The following PPP2R2B variants were observed in gnomAD, a reference collection of about 807,000 sequenced individuals.
The protein encoded by PPP2R2B is protein phosphatase 2 regulatory subunit Bbeta.
PPP2R2B carries 5 observed loss-of-function variants against 46.0 expected under a neutral mutation model. The observed-to-expected ratio is 0.11, with a 90% CI of 0.06 to 0.23. The LOEUF (loss-of-function observed/expected upper bound fraction) is 0.23, where lower values mean the gene tolerates loss of function less well. Among genes scored for constraint, PPP2R2B ranks in the 10% least tolerant of loss-of-function variants. The pLI, the probability that PPP2R2B is intolerant of heterozygous loss-of-function variation, is 1.00. For synonymous variants in PPP2R2B, 215 were observed against 206.7 expected, an observed-to-expected ratio of 1.04 and a Z score of -0.34; for missense variants, 367 against 575.0, an observed-to-expected ratio of 0.64 and a Z score of 3.70.
rs532769892 is a variant in PPP2R2B, at chr5:146,747,991, C to T, written c.71-46849G>A. Among the ~76,000 whole-genome samples, 3 of 152,228 alleles carry T rather than the reference C, an allele frequency of 2.0e-5. No homozygotes were observed. The South Asian group carries it at 6.2e-4, about 32-fold the overall frequency. ...CCGAGATGTTCCAGGGCTGAACCTG[C>T]CTCTGGATTCTCTATGTGGTACAGT... is the stretch of plus-strand genomic sequence containing the variant. On this transcript the variant is annotated intron_variant, in intron 2 of 9. Coordinates refer to ENST00000394411, the MANE Select transcript of PPP2R2B (RefSeq NM_181675.4).
intron 2 of PPP2R2B, among the ~76,000 whole-genome samples, chr5:146,734,024 C>T (rs1315157969): frequency 6.6e-6 from 1 of 150,520 alleles, no homozygotes; most frequent in Non-Finnish European, 1.5e-5. Flanking sequence ...TATATTACCT[C>T]ATAGGGTTGT....
At chr5:146,854,930 A>C (rs1417191809) in intron 2 of PPP2R2B, among the ~76,000 whole-genome samples, 3 of 152,204 alleles carry the variant, frequency 2.0e-5, no homozygotes, top group Non-Finnish European at 4.4e-5. Context: ...AGAAATTTTG[A>C]GTCTGATATG....
intron 1 of PPP2R2B, among the ~76,000 whole-genome samples, chr5:146,955,559 T>C (rs1751853834): frequency 6.6e-6 from 1 of 152,112 alleles, no homozygotes; most frequent in Non-Finnish European, 1.5e-5. Context: ...ATAAAAAAAT[T>C]AAGCCATTCA....
chr5:146,730,373 G>A (rs1486690169), intron 2 of PPP2R2B, among the ~76,000 whole-genome samples: 1 of 152,164 alleles, frequency 6.6e-6, no homozygotes, highest in Non-Finnish European at 1.5e-5. Context: ...ACTTTGGACT[G>A]TGGACTTTTG....
intron 7 of PPP2R2B, among the ~76,000 whole-genome samples, chr5:146,633,855 C>T (rs1774606943): frequency 6.6e-6 from 1 of 152,218 alleles, no homozygotes; most frequent in African/African-American, 2.4e-5. Context: ...GTCTGCTTCT[C>T]CATCCTTAGG....
intron 1 of PPP2R2B, among the ~76,000 whole-genome samples, chr5:146,887,355 A>C (rs922324686): frequency 6.6e-5 from 10 of 152,166 alleles, no homozygotes; most frequent in African/African-American, 2.4e-4. Context: ...AAAGAGTTTT[A>C]ATGTGTTCTT....
At chr5:146,844,176 G>A (rs1002767258) in intron 2 of PPP2R2B, among the ~76,000 whole-genome samples, 8 of 133,706 alleles carry the variant, frequency 6.0e-5, no homozygotes, top group African/African-American at 2.4e-4. Flanking sequence ...ACACAGGAAG[G>A]GGAATATCAC....
At chr5:146,918,229 T>C (rs1197836188) in intron 1 of PPP2R2B, 1 of 152,188 alleles carries the variant, frequency 6.6e-6, no homozygotes, top group African/African-American at 2.4e-5. Context: ...GGAGGAAGAA[T>C]ATATATGAAG....
intron 2 of PPP2R2B, among the ~76,000 whole-genome samples, chr5:146,755,013 T>C (rs1753757131): frequency 6.6e-6 from 1 of 152,240 alleles, no homozygotes; most frequent in African/African-American, 2.4e-5. Flanking sequence ...TTCAAGTCAC[T>C]GTTCATGGCA....
intron 2 of PPP2R2B, among the ~76,000 whole-genome samples, chr5:146,851,434 T>C (rs1393878568): frequency 1.3e-5 from 2 of 152,122 alleles, no homozygotes; most frequent in Non-Finnish European, 2.9e-5. Context: ...TTGCTATTAG[T>C]GCTAACAAGG....
chr5:146,654,176 GCCCCA>G, intron 5 of PPP2R2B, among the ~76,000 whole-genome samples: 1 of 152,226 alleles, frequency 6.6e-6, no homozygotes, highest in Middle Eastern at 3.4e-3. Flanking sequence ...CTGACTCCCT[GCCCCA>G]CCCAACTCCA....
intron 1 of PPP2R2B, among the ~76,000 whole-genome samples, chr5:146,957,359 T>G (rs1315530784): frequency 6.6e-6 from 1 of 152,198 alleles, no homozygotes; most frequent in Non-Finnish European, 1.5e-5. Context: ...GGGACAGCCA[T>G]GTAAACAAAT....
At chr5:147,061,757 A>G (rs1757265141) in intron 2 of PPP2R2B, among the ~76,000 whole-genome samples, 1 of 152,144 alleles carries the variant, frequency 6.6e-6, no homozygotes, top group South Asian at 2.1e-4. Flanking sequence ...GCAGCAGGGG[A>G]AGAAAAAAAG....
At chr5:146,733,015 A>G (rs994095950) in intron 2 of PPP2R2B, among the ~76,000 whole-genome samples, 1 of 152,210 alleles carries the variant, frequency 6.6e-6, no homozygotes, top group Non-Finnish European at 1.5e-5. Context: ...CACGGCAAAA[A>G]TTATTTTTAC....
intron 1 of PPP2R2B, among the ~76,000 whole-genome samples, chr5:146,929,528 GA>G (rs1290225762): frequency 1.3e-5 from 2 of 151,318 alleles, no homozygotes; most frequent in Non-Finnish European, 3.0e-5. Flanking sequence ...ATGGCAAAAA[GA>G]AAAAAAGAAA....
At chr5:146,896,134 G>A (rs1218826853) in intron 1 of PPP2R2B, among the ~76,000 whole-genome samples, 1 of 152,018 alleles carries the variant, frequency 6.6e-6, no homozygotes, top group Non-Finnish European at 1.5e-5. Flanking sequence ...TGATATGTCT[G>A]GGAAGAAGTG....
At chr5:146,661,473 C>A (rs145565394) in intron 5 of PPP2R2B, among the ~76,000 whole-genome samples, 3 of 151,762 alleles carry the variant, frequency 2.0e-5, no homozygotes, top group Admixed American at 2.0e-4. Context: ...TATAAAATAT[C>A]TATGTTTAAT....
At chr5:147,019,901 A>G (rs1483848151) in intron 1 of PPP2R2B, among the ~76,000 whole-genome samples, 2 of 152,172 alleles carry the variant, frequency 1.3e-5, no homozygotes, top group Non-Finnish European at 2.9e-5. Flanking sequence ...TCTCGTTTCA[A>G]GGAAAACATG....
rs1377493278 is a variant in PPP2R2B at position 146,770,221 on chromosome 5, C to T, written c.71-69079G>A. On this transcript the variant is annotated intron_variant, in intron 2 of 9. Coordinates refer to ENST00000394411, the MANE Select transcript of PPP2R2B (RefSeq NM_181675.4). Reference sequence around the variant, plus strand: ...GTGCACACCTGTAATCCTAGATACTCGGGAGAGGCTGAGGCAGGAGAATCA... The same window carrying T: ...GTGCACACCTGTAATCCTAGATACTTGGGAGAGGCTGAGGCAGGAGAATCA... Among the ~76,000 whole-genome samples, 6 of 148,806 alleles carry T rather than the reference C, an allele frequency of 4.0e-5. No individual in the cohort carries two copies. The South Asian group carries it at 6.5e-4, about 16-fold the overall frequency.
Sources: allele counts gnomAD v4.1 joint callset (sites outside exome capture counted in the v4.1 genomes callset), GRCh38; gene constraint gnomAD v4.1.1; transcripts MANE v1.5; gene names NCBI Gene and HGNC (gene_info 2026-07-23, HGNC 2026-07-21).